Variants in TSC22D4 observed in about 807,000 individuals in gnomAD.
TSC22D4 encodes the protein TSC22 domain family member 4.
TSC22D4 carries 5 observed loss-of-function variants against 24.9 expected under a neutral mutation model. The ratio of observed to expected loss-of-function variants is 0.20; its 90% CI spans 0.10 to 0.42. TSC22D4 has a LOEUF of 0.42. TSC22D4 is among the 10% of genes least tolerant of loss of function. TSC22D4 has a pLI of 1.00. For synonymous variants in TSC22D4, 245 were observed against 243.2 expected, an observed-to-expected ratio of 1.01 and a Z score of -0.07; for missense variants, 469 against 547.9, an observed-to-expected ratio of 0.86 and a Z score of 1.44.
chr7:100,477,894 TG>T lies in TSC22D4; in HGVS notation c.144del (p.Ser49AlafsTer27). 6.5e-7 allele frequency: 1 copy of T among 1,547,708 alleles called. No homozygotes were observed. Among genetic ancestry groups the T allele is most frequent in the Non-Finnish European group, 8.7e-7 (1 of 1,147,310 alleles). ...GPPPRLPNGE[P>X]SPDPGGKGTP... is the part of the protein sequence containing the mutation. ...GTGCCCTTGCCCCCCGGATCGGGGC[TG>T]GGCTCCCCATTGGGCAGGCGGGGCG... is the stretch of plus-strand genomic sequence containing the variant. On this transcript the variant is annotated frameshift_variant, in exon 2 of 5. Coordinates refer to ENST00000300181, the MANE Select transcript of TSC22D4 (RefSeq NM_030935.5). LOFTEE classifies it high-confidence loss of function. This position sits in a 1 kb window ranked among gnomAD's most constrained non-coding sequence, Gnocchi z 7.8.
At position 100,477,198 on chromosome 7, in the gene TSC22D4, G is replaced by GC. The variant is rs1563183290; in HGVS notation, c.762+78_762+79insG. 18 of 1,174,980 alleles carry GC rather than the reference G, an allele frequency of 1.5e-5. 1 individual carries two copies. In the African/African-American group the frequency reaches 2.8e-4, roughly 18 times the overall value. 72.8% of individuals were successfully genotyped at this position (1,174,980 alleles called of 1,614,324 possible). On this transcript the variant is annotated intron_variant, in intron 2 of 4. Transcript: ENST00000300181. This position sits in a 1 kb window ranked among gnomAD's most constrained non-coding sequence, Gnocchi z 7.8. The stretch of plus-strand genomic sequence containing the variant: ...AAGTGATGGAGAAGGAGGAGGAGAG[G>GC]GGGGGGAGGAGGAGGAAGGAGGCTC...
At chr7:100,469,374 G>A (rs187854802) in intron 3 of TSC22D4, among the ~76,000 whole-genome samples, 1 of 152,232 alleles carries the variant, frequency 6.6e-6, no homozygotes, top group Admixed American at 6.5e-5. Flanking sequence ...AGGGCTGGGA[G>A]TCTGGGGTGA....
intron 3 of TSC22D4, among the ~76,000 whole-genome samples, chr7:100,470,663 C>A (rs548998637): frequency 1.1e-3 from 165 of 152,252 alleles, no homozygotes; most frequent in Non-Finnish European, 1.8e-3. Flanking sequence ...AATGCAGGCC[C>A]TTCCCTTTAG....
Position 100,466,635 on chromosome 7 carries a change from A to G in TSC22D4, c.*324T>C. Reference sequence around the variant, plus strand: ...TGGGCAGAGGAGAGGAGGCACCTCAAGGGAACAAGATGGGGGTGGGGTGTC... The same window carrying G: ...TGGGCAGAGGAGAGGAGGCACCTCAGGGGAACAAGATGGGGGTGGGGTGTC... On this transcript the variant is annotated 3_prime_UTR_variant, in exon 5 of 5. Coordinates refer to ENST00000300181, the MANE Select transcript of TSC22D4 (RefSeq NM_030935.5). The G allele has an allele frequency of 2.8e-6, 1 of 361,034 alleles. No individual in the cohort carries two copies. Among genetic ancestry groups the G allele is most frequent in the East Asian group, 4.7e-5 (1 of 21,210 alleles). 22.4% of individuals were successfully genotyped at this position (361,034 alleles called of 1,614,324 possible).
rs954536743 is a variant in TSC22D4 at position 100,477,195 on chromosome 7, G to A, written c.762+82C>T. ...ATAAAGTGATGGAGAAGGAGGAGGA[G>A]AGGGGGGGGAGGAGGAGGAAGGAGG... On this transcript the variant is annotated intron_variant, in intron 2 of 4. Transcript: ENST00000300181. This position sits in a 1 kb window ranked among gnomAD's most constrained non-coding sequence, Gnocchi z 7.8. The A allele has an allele frequency of 2.4e-6, 2 of 818,720 alleles. No individual in the cohort carries two copies. Among genetic ancestry groups the A allele is most frequent in the South Asian group, 3.2e-5 (1 of 31,360 alleles). The allele number at this position is 818,720 out of a possible 1,614,324, so 50.7% of individuals were successfully genotyped here. A position where few individuals can be genotyped will look rare whatever the true frequency, so the allele number is the denominator to read the frequency against.
chr7:100,471,409 C>A (rs961544458), intron 3 of TSC22D4, among the ~76,000 whole-genome samples: 3 of 152,182 alleles, frequency 2.0e-5, no homozygotes, highest in Non-Finnish European at 4.4e-5. Flanking sequence ...TGCAGTCCAG[C>A]CACTTAAACT....
In TSC22D4 at chr7:100,467,585, C is replaced by T. The variant is rs781408604; in HGVS notation, c.945G>A (p.Leu315=). ...GCTCGATTTTGTTGTCAATGCCAAC[C>T]AGGCTTCCGGAGCCACTGGAGAGAC... ...DSDDDSGSGS[L]VGIDNKIEQA... The change falls in exon 4 of 5, where the codon CTG becomes CTA. Residue 315 remains leucine (L), a synonymous_variant. Coordinates refer to ENST00000300181, the MANE Select transcript of TSC22D4 (RefSeq NM_030935.5). 6.2e-7 allele frequency: 1 copy of T among 1,614,104 alleles called. No homozygotes were observed. The highest frequency in any genetic ancestry group is 1.1e-5 in the South Asian group (1 of 91,080).
chr7:100,472,326 G>A (rs1799406967), intron 3 of TSC22D4, among the ~76,000 whole-genome samples: 1 of 151,866 alleles, frequency 6.6e-6, no homozygotes. Flanking sequence ...GGCTGGGCTG[G>A]GACAGATCCC....
At position 100,479,191 on chromosome 7, in the gene TSC22D4, TTC is replaced by T. The variant is rs1160535355; in HGVS notation, c.-669_-668del. 6.5e-6 allele frequency: 1 copy of T among 153,154 alleles called. No individual in the cohort carries two copies. The highest frequency in any genetic ancestry group is 1.5e-5 in the Non-Finnish European group (1 of 68,732). The allele number at this position is 153,154 out of a possible 1,614,324, so 9.5% of individuals were successfully genotyped here. ...CCCCTGGGTCTCTGCCTCTCCGTCT[TTC>T]TCTTTCTGGGCTGTTGACAACCCCC... On this transcript the variant is annotated 5_prime_UTR_variant, in exon 1 of 5. Transcript: ENST00000300181.
At chr7:100,467,710 A>C in intron 3 of TSC22D4, 110 bp from the exon 4 acceptor site, 2 of 1,113,858 alleles carry the variant, frequency 1.8e-6, no homozygotes, top group Non-Finnish European at 1.4e-6. Flanking sequence ...ACAGTAGAGA[A>C]TGAGGGAGAG....
chr7:100,468,153 C>T (rs1250096165), intron 3 of TSC22D4: 13 of 309,176 alleles, frequency 4.2e-5, no homozygotes, highest in Non-Finnish European at 7.9e-5. Flanking sequence ...CTTGGGGACA[C>T]GGGGACCCCC....
At chr7:100,467,900 AAG>A in intron 3 of TSC22D4, 1 of 592,246 alleles carries the variant, frequency 1.7e-6, no homozygotes. Context: ...CGGGTCTCAT[AAG>A]ACGACACCAG....
Position 100,474,296 on chromosome 7 carries a change from G to GACC in TSC22D4, c.904_906dup (p.Gly302dup), listed in dbSNP as rs567898195. The GACC allele has an allele frequency of 4.7e-4, 760 of 1,614,092 alleles. 4 individuals are homozygous for GACC. The African/African-American group carries it at 9.0e-3, about 19-fold the overall frequency. On this transcript the variant is annotated inframe_insertion, in exon 3 of 5. Transcript: ENST00000300181. The surrounding 1 kb of genome is among the most constrained non-coding windows in gnomAD (Gnocchi z 4.3). ...TACCTATCATCGTCGCTGTCTAGGT[G>GACC]ACCACTGATGGCCAACATGGAGTGG...
chr7:100,472,613 G>A (rs1210640164), intron 3 of TSC22D4, among the ~76,000 whole-genome samples: 1 of 152,044 alleles, frequency 6.6e-6, no homozygotes, highest in African/African-American at 2.4e-5. Context: ...CAGTGATGGC[G>A]GCAGGTGACT....
At position 100,478,120 on chromosome 7, in the gene TSC22D4, G is replaced by T. The variant is rs1799544656; in HGVS notation, c.-82C>A. 5 of 1,245,784 alleles carry T rather than the reference G, an allele frequency of 4.0e-6. No individual in the cohort carries two copies. In the East Asian group the frequency reaches 1.0e-4, roughly 25 times the overall value. The allele number at this position is 1,245,784 out of a possible 1,614,324, so 77.2% of individuals were successfully genotyped here. ...GGGCTCAGGCACCCCTGGAACAAGG[G>T]GGCCACATGGCGGGGACATCCGAGC... On this transcript the variant is annotated 5_prime_UTR_variant, in exon 2 of 5. Coordinates refer to ENST00000300181, the MANE Select transcript of TSC22D4 (RefSeq NM_030935.5).
rs1584353599 is a variant in TSC22D4 at position 100,477,759 on chromosome 7, C to T, written c.280G>A (p.Asp94Asn). The T allele has an allele frequency of 6.2e-7, 1 of 1,604,834 alleles. No homozygotes were observed. Among genetic ancestry groups the T allele is most frequent in the African/African-American group, 1.3e-5 (1 of 74,936 alleles). ...GGCTCCAGGTCTCGCTCATAAACAT[C>T]CACACACGTCCAGCGACCGCGGCGA... ...PYRRGRWTCV[D>N]VYERDLEPHS... Residue 94 changes from aspartate to asparagine, a missense_variant, in exon 2 of 5, where the codon GAT (aspartate) becomes AAT (asparagine). Asp to Asn is a conservative substitution (Grantham distance 23). Coordinates refer to ENST00000300181, the MANE Select transcript of TSC22D4 (RefSeq NM_030935.5). This position sits in a 1 kb window ranked among gnomAD's most constrained non-coding sequence, Gnocchi z 7.8.
chr7:100,474,214 C>G lies in TSC22D4; in HGVS notation c.929+60G>C. ...CTACCAGGCACTTTCTTACAGCTACCCCGGGTGCTGGGCGGGGAACCTGAA... is the reference window on the plus strand; with the variant it reads ...CTACCAGGCACTTTCTTACAGCTACGCCGGGTGCTGGGCGGGGAACCTGAA... On this transcript the variant is annotated intron_variant, in intron 3 of 4. Coordinates refer to ENST00000300181, the MANE Select transcript of TSC22D4 (RefSeq NM_030935.5). The surrounding 1 kb of genome is among the most constrained non-coding windows in gnomAD (Gnocchi z 4.3). The G allele has an allele frequency of 6.3e-7, 1 of 1,595,720 alleles. No individual in the cohort carries two copies. Among genetic ancestry groups the G allele is most frequent in the Middle Eastern group, 1.9e-4 (1 of 5,312 alleles).
chr7:100,466,643 A>C lies in TSC22D4; in HGVS notation c.*316T>G. ...GGAGAGGAGGCACCTCAAGGGAACA[A>C]GATGGGGGTGGGGTGTCTGCCGGGG... On this transcript the variant is annotated 3_prime_UTR_variant, in exon 5 of 5. Transcript: ENST00000300181. The C allele has an allele frequency of 2.6e-6, 1 of 385,784 alleles. No homozygotes were observed. Among genetic ancestry groups the C allele is most frequent in the Non-Finnish European group, 4.7e-6 (1 of 213,922 alleles). The allele number at this position is 385,784 out of a possible 1,614,324, so 23.9% of individuals were successfully genotyped here. A position where few individuals can be genotyped will look rare whatever the true frequency, so the allele number is the denominator to read the frequency against.
chr7:100,473,179 C>T (rs148834783), intron 3 of TSC22D4, among the ~76,000 whole-genome samples: 1 of 152,198 alleles, frequency 6.6e-6, no homozygotes, highest in Non-Finnish European at 1.5e-5. Flanking sequence ...AGCACTGTCC[C>T]CTAAAGGGAG....
Sources: gnomAD v4.1 joint callset for allele counts (sites outside exome capture counted in the v4.1 genomes callset) on GRCh38, gnomAD v4.1.1 for gene constraint, Gnocchi (gnomAD v3.1) non-coding constraint, MANE v1.5 for transcripts, NCBI Gene and HGNC (gene_info 2026-07-23, HGNC 2026-07-21) for gene names.